GPC6: variants seen among roughly 807,000 people sequenced by gnomAD.
GPC6 encodes the protein glypican 6.
A neutral mutation model predicts 55.2 loss-of-function variants in GPC6; 14 were observed. The observed-to-expected ratio is 0.25, with a 90% CI of 0.17 to 0.40. The LOEUF (loss-of-function observed/expected upper bound fraction) is 0.40. Ranked by LOEUF, GPC6 falls within the 10% of genes least tolerant of loss-of-function variation. The pLI is 1.00. For synonymous variants in GPC6, 278 were observed against 259.6 expected (o/e 1.07, Z -0.68); for missense variants, 641 against 708.5 (o/e 0.90, Z 1.08).
At chr13:93,824,133 G>GA (rs1163579447) in intron 2 of GPC6, among the ~76,000 whole-genome samples, 2 of 151,892 alleles carry the variant, frequency 1.3e-5, no homozygotes, top group Non-Finnish European at 2.9e-5. Context: ...TGATGTTTAA[G>GA]AAAAAAATAC....
rs574605784 is a variant in GPC6, at chr13:93,319,006, T to TG, written c.160+91395dup. Among the ~76,000 whole-genome samples, 903 of 152,188 alleles carry TG rather than the reference T, an allele frequency of 5.9e-3. 11 individuals are homozygous for TG. The highest frequency in any genetic ancestry group is 0.018 in the African/African-American group (754 of 41,518). The stretch of plus-strand genomic sequence containing the variant: ...CATACATTGGAACACCATGCACAGC[T>TG]GGGGGTGGAGTCAGTCTCACAATAC... On this transcript the variant is annotated intron_variant, in intron 1 of 8. Transcript: ENST00000377047.
At chr13:93,861,090 A>G (rs1888796155) in intron 3 of GPC6, among the ~76,000 whole-genome samples, 1 of 151,510 alleles carries the variant, frequency 6.6e-6, no homozygotes, top group African/African-American at 2.4e-5. Flanking sequence ...GGATTAACAG[A>G]GTAGATCCGT....
At chr13:93,861,665 A>C (rs1269595713) in intron 3 of GPC6, among the ~76,000 whole-genome samples, 3 of 151,554 alleles carry the variant, frequency 2.0e-5, no homozygotes, top group Admixed American at 6.6e-5. Flanking sequence ...CTTTTGATGA[A>C]TTTCATTATC....
intron 1 of GPC6, among the ~76,000 whole-genome samples, chr13:93,507,546 A>G (rs566901891): frequency 1.3e-5 from 2 of 152,358 alleles, no homozygotes; most frequent in South Asian, 2.1e-4. Context: ...GCTTCAGTCC[A>G]TGGAACTTCA....
In GPC6 at chr13:94,405,148, AAAGT is replaced by A. The variant is rs1192905134; in HGVS notation, c.*1933_*1936del. The A allele has an allele frequency of 6.6e-6, 1 of 152,220 alleles. No individual in the cohort carries two copies. Among genetic ancestry groups the A allele is most frequent in the Non-Finnish European group, 1.5e-5 (1 of 68,028 alleles). 9.4% of individuals were successfully genotyped at this position (152,220 alleles called of 1,614,324 possible). A position where few individuals can be genotyped will look rare whatever the true frequency, so the allele number is the denominator to read the frequency against. ...ATATTTGAGCACTTTTGCAAGACAG[AAAGT>A]ATTTACAAGCATCTATTGCTACTTT... is the stretch of plus-strand genomic sequence containing the variant. On this transcript the variant is annotated 3_prime_UTR_variant, in exon 9 of 9. Transcript: ENST00000377047.
At position 93,563,477 on chromosome 13, in the gene GPC6, G is replaced by A. The variant is rs201562421; in HGVS notation, c.319+18056G>A. Among the ~76,000 whole-genome samples the A allele has an allele frequency of 3.3e-5, 5 of 151,210 alleles. No homozygotes were observed. In the East Asian group the frequency reaches 9.7e-4, roughly 29 times the overall value. Reference sequence around the variant, plus strand: ...CAAATGACCCTTGGGGAGGGGGTGGGAAAAACAAACAAACAAAACAGCCCT... The same window carrying A: ...CAAATGACCCTTGGGGAGGGGGTGGAAAAAACAAACAAACAAAACAGCCCT... On this transcript the variant is annotated intron_variant, in intron 2 of 8. Transcript: ENST00000377047.
chr13:93,457,966 C>T (rs149901669), intron 1 of GPC6, among the ~76,000 whole-genome samples: 18 of 152,310 alleles, frequency 1.2e-4, no homozygotes, highest in Non-Finnish European at 2.2e-4. Flanking sequence ...CTCTCCCTCA[C>T]TCAGGGAGGA....
intron 2 of GPC6, among the ~76,000 whole-genome samples, chr13:93,552,569 G>A (rs189037012): frequency 1.3e-5 from 2 of 151,630 alleles, no homozygotes; most frequent in Non-Finnish European, 2.9e-5. Flanking sequence ...ATCAGCTCTG[G>A]CTTCAGTGAT....
chr13:94,221,299 A>C lies in GPC6; in HGVS notation c.878-65050A>C, dbSNP rs144545633. Among the ~76,000 whole-genome samples, 607 of 152,286 alleles carry C rather than the reference A, an allele frequency of 4.0e-3. 6 individuals are homozygous for C. Among genetic ancestry groups the C allele is most frequent in the African/African-American group, 0.014 (580 of 41,574 alleles). On this transcript the variant is annotated intron_variant, in intron 4 of 8. Transcript: ENST00000377047. ...ATTCCTGAATATTTTCCCAGAAGTA[A>C]ACCAATCATTTTAACGTAAGTGATA...
At chr13:93,696,171 A>T (rs1323062781) in intron 2 of GPC6, among the ~76,000 whole-genome samples, 1 of 152,170 alleles carries the variant, frequency 6.6e-6, no homozygotes, top group Non-Finnish European at 1.5e-5. Context: ...TTATATTTCT[A>T]TGCTTATGAT....
intron 2 of GPC6, among the ~76,000 whole-genome samples, chr13:93,821,401 C>T (rs893929867): frequency 6.6e-6 from 1 of 152,004 alleles, no homozygotes; most frequent in Non-Finnish European, 1.5e-5. Flanking sequence ...GGAAAATACT[C>T]ATATAGGAAA....
intron 3 of GPC6, among the ~76,000 whole-genome samples, chr13:93,950,122 A>G (rs537143920): frequency 6.6e-6 from 1 of 152,354 alleles, no homozygotes; most frequent in East Asian, 1.9e-4. Flanking sequence ...ACTTAATGCC[A>G]TTGAATTGTA....
At chr13:94,360,329 G>A (rs777398213) in intron 6 of GPC6, among the ~76,000 whole-genome samples, 7 of 152,236 alleles carry the variant, frequency 4.6e-5, no homozygotes, top group Non-Finnish European at 8.8e-5. Context: ...ATGACTGATC[G>A]ATGATAGATG....
chr13:94,366,775 C>T (rs1040237918), intron 6 of GPC6, among the ~76,000 whole-genome samples: 7 of 152,200 alleles, frequency 4.6e-5, no homozygotes, highest in African/African-American at 1.4e-4. Flanking sequence ...TAGAGCTGTT[C>T]TCCAAAGCAG....
chr13:93,296,939 G>C (rs1315024119), intron 1 of GPC6, among the ~76,000 whole-genome samples: 1 of 152,142 alleles, frequency 6.6e-6, no homozygotes, highest in Non-Finnish European at 1.5e-5. Flanking sequence ...CAAAAGATAG[G>C]CCAAATACAG....
intron 4 of GPC6, among the ~76,000 whole-genome samples, chr13:94,162,238 G>C (rs1888193331): frequency 6.6e-6 from 1 of 152,190 alleles, no homozygotes; most frequent in African/African-American, 2.4e-5. Context: ...CCTGGAACCA[G>C]AGTCACTGCA....
At chr13:93,909,995 T>C (rs1876879570) in intron 3 of GPC6, among the ~76,000 whole-genome samples, 1 of 152,082 alleles carries the variant, frequency 6.6e-6, no homozygotes, top group Non-Finnish European at 1.5e-5. Flanking sequence ...TTTCTATGGG[T>C]TAGTTTTGAG....
chr13:94,091,208 C>T (rs1048408773), intron 4 of GPC6, among the ~76,000 whole-genome samples: 2 of 152,066 alleles, frequency 1.3e-5, no homozygotes, highest in African/African-American at 2.4e-5. Context: ...CATCTACTTA[C>T]CAGTTTACGA....
At chr13:94,185,113 G>T (rs1889125486) in intron 4 of GPC6, among the ~76,000 whole-genome samples, 1 of 152,046 alleles carries the variant, frequency 6.6e-6, no homozygotes, top group South Asian at 2.1e-4. Flanking sequence ...ACATAAACCT[G>T]GGAACAGTAA....
Sources: gnomAD v4.1 joint callset for allele counts (sites outside exome capture counted in the v4.1 genomes callset) on GRCh38, gnomAD v4.1.1 for gene constraint, MANE v1.5 for transcripts, NCBI Gene and HGNC (gene_info 2026-07-23, HGNC 2026-07-21) for gene names.